The following OSBPL10 variants were observed in gnomAD, a reference collection of about 807,000 sequenced individuals.
The protein encoded by OSBPL10 is oxysterol binding protein like 10.
Under a neutral mutation model 81.7 loss-of-function variants are expected in OSBPL10, and 49 were observed. The observed-to-expected ratio is 0.60, with a 90% CI of 0.48 to 0.76. OSBPL10 has a LOEUF of 0.76. OSBPL10 is among the 30% of genes least tolerant of loss of function. The probability of loss-of-function intolerance (pLI) is 0.00; values close to 1 mark genes in which losing one functional copy is unlikely to be tolerated. For missense variants in OSBPL10, 923 were observed against 987.8 expected (o/e 0.93, Z 0.88); for synonymous variants, 419 against 383.6 (o/e 1.09, Z -1.08).
intron 1 of OSBPL10, among the ~76,000 whole-genome samples, chr3:31,942,505 A>T (rs1045272680): frequency 1.5e-5 from 2 of 135,868 alleles, no homozygotes; most frequent in East Asian, 4.6e-4. Flanking sequence ...ATTGCACTCC[A>T]GCCTGGGCGA....
intron 2 of OSBPL10, among the ~76,000 whole-genome samples, chr3:31,995,613 A>T (rs1250147354): frequency 6.6e-6 from 1 of 152,210 alleles, no homozygotes; most frequent in Non-Finnish European, 1.5e-5. Flanking sequence ...CAATCATCAC[A>T]GTGGTCCTTA....
At chr3:32,073,290 C>T (rs1368490338) in intron 1 of OSBPL10, among the ~76,000 whole-genome samples, 1 of 152,140 alleles carries the variant, frequency 6.6e-6, no homozygotes, top group African/African-American at 2.4e-5. Context: ...CTTGCCTACT[C>T]CAGATTCCCA....
chr3:31,783,111 TTATATATA>T lies in OSBPL10; in HGVS notation c.730-34999_730-34992del, dbSNP rs56846176. Among the ~76,000 whole-genome samples the T allele has an allele frequency of 4.7e-3, 573 of 121,660 alleles. 10 individuals carry two copies. The highest frequency in any genetic ancestry group is 0.011 in the African/African-American group (305 of 27,300). 79.8% of individuals were successfully genotyped at this position (121,660 alleles called of 152,430 possible). A position where few individuals can be genotyped will look rare whatever the true frequency, so the allele number is the denominator to read the frequency against. ...GGATATATCTATATCAATATATCTA[TTATATATA>T]TATATATATATATATATATATATAT... On this transcript the variant is annotated intron_variant, in intron 4 of 11. Coordinates refer to ENST00000396556, the MANE Select transcript of OSBPL10 (RefSeq NM_017784.5).
chr3:32,014,431 C>T (rs557782143), intron 2 of OSBPL10, among the ~76,000 whole-genome samples: 5 of 152,182 alleles, frequency 3.3e-5, no homozygotes, highest in South Asian at 2.1e-4. Flanking sequence ...AATTAGGTAT[C>T]GATGGGATGT....
At chr3:31,930,965 G>T (rs1697226309) in intron 1 of OSBPL10, among the ~76,000 whole-genome samples, 1 of 131,172 alleles carries the variant, frequency 7.6e-6, no homozygotes, top group African/African-American at 3.0e-5. Flanking sequence ...AGTGAGCCGA[G>T]ATCCCCCCCA....
intron 1 of OSBPL10, chr3:32,064,311 A>T (rs1169412244): frequency 1.1e-5 from 1 of 93,604 alleles, no homozygotes; most frequent in African/African-American, 2.8e-5. Context: ...AAACTATTTC[A>T]TTATCTTTAT....
chr3:31,733,901 T>C (rs1697064989), intron 5 of OSBPL10, among the ~76,000 whole-genome samples: 1 of 151,672 alleles, frequency 6.6e-6, no homozygotes, highest in Non-Finnish European at 1.5e-5. Context: ...TCCCAGCTAC[T>C]CGGGAGGCTG....
chr3:31,915,036 A>G (rs1456502295), intron 1 of OSBPL10, among the ~76,000 whole-genome samples: 2 of 152,162 alleles, frequency 1.3e-5, no homozygotes, highest in Admixed American at 6.6e-5. Flanking sequence ...CAGTGGCACA[A>G]TCAGAGCTCA....
intron 2 of OSBPL10, among the ~76,000 whole-genome samples, chr3:32,024,770 G>A (rs548111040): frequency 1.3e-4 from 20 of 152,140 alleles, no homozygotes; most frequent in East Asian, 3.9e-4. Flanking sequence ...TACCGTGCCC[G>A]GCCGGAATTA....
At chr3:32,019,492 G>A (rs1364958376) in intron 2 of OSBPL10, among the ~76,000 whole-genome samples, 4 of 152,292 alleles carry the variant, frequency 2.6e-5, no homozygotes, top group Non-Finnish European at 4.4e-5. Flanking sequence ...AGAGACGTGT[G>A]GTAGGAGGAA....
rs753227286 is a variant in OSBPL10 at position 31,664,111 on chromosome 3, T to C, written c.2218A>G (p.Thr740Ala). 3.1e-6 allele frequency: 5 copies of C among 1,613,946 alleles called. No homozygotes were observed. The highest frequency in any genetic ancestry group is 2.7e-5 in the African/African-American group (2 of 74,904). ...VEERKRENLR[T>A]PWKPKYFIQE... Reference sequence around the variant, plus strand: ...ATAAAATATTTGGGCTTCCATGGTGTGCGGAGGTTCTCGCGCTTCCGTTCC... The same window carrying C: ...ATAAAATATTTGGGCTTCCATGGTGCGCGGAGGTTCTCGCGCTTCCGTTCC... Residue 740 changes from threonine (T) to alanine (A), a missense_variant, in exon 11 of 12, where the codon ACA becomes GCA. Physicochemically the swap from Thr to Ala is moderately conservative, Grantham distance 58. Coordinates refer to ENST00000396556, the MANE Select transcript of OSBPL10 (RefSeq NM_017784.5).
chr3:31,841,053 C>G (rs913949334), intron 3 of OSBPL10, among the ~76,000 whole-genome samples: 3 of 152,202 alleles, frequency 2.0e-5, no homozygotes, highest in African/African-American at 7.2e-5. Flanking sequence ...GGATTACAGG[C>G]ATGTGCCACC....
chr3:31,928,103 T>C (rs1697130671), intron 1 of OSBPL10, among the ~76,000 whole-genome samples: 1 of 152,208 alleles, frequency 6.6e-6, no homozygotes, highest in African/African-American at 2.4e-5. Context: ...TAGTTACATT[T>C]ACAACAATTA....
rs561570081 is a variant in OSBPL10, at chr3:31,765,004, TTAAC to T, written c.730-16888_730-16885del. Among the ~76,000 whole-genome samples the T allele has an allele frequency of 5.3e-4, 81 of 152,192 alleles. No homozygotes were observed. In the South Asian group the frequency reaches 0.016, roughly 30 times the overall value. On this transcript the variant is annotated intron_variant, in intron 4 of 11. Coordinates refer to ENST00000396556, the MANE Select transcript of OSBPL10 (RefSeq NM_017784.5). ...TCCATAAAACACATCATGGTTGTAA[TTAAC>T]TAACTACTTTTTTTCTTTTTTTTTC...
intron 8 of OSBPL10, among the ~76,000 whole-genome samples, chr3:31,676,812 G>A (rs368788887): frequency 2.0e-4 from 31 of 152,358 alleles, no homozygotes; most frequent in African/African-American, 3.4e-4. Context: ...GCTCCACAGC[G>A]GTGCGAGGTT....
chr3:31,794,145 GT>G (rs961985206), intron 4 of OSBPL10, among the ~76,000 whole-genome samples: 2 of 152,168 alleles, frequency 1.3e-5, no homozygotes, highest in African/African-American at 4.8e-5. Flanking sequence ...TCCCCACATA[GT>G]TTTTCTGTTT....
rs182162764 is a variant in OSBPL10, at chr3:31,977,630, G to A, written c.281+3269C>T. Among the ~76,000 whole-genome samples, 38 of 152,190 alleles carry A rather than the reference G, an allele frequency of 2.5e-4. 1 individual carries two copies. The highest frequency in any genetic ancestry group is 1.7e-3 in the Admixed American group (26 of 15,294). On this transcript the variant is annotated intron_variant, in intron 1 of 11. Coordinates refer to ENST00000396556, the MANE Select transcript of OSBPL10 (RefSeq NM_017784.5). ...AATGTGAATAGCAGTAAAAACACTAGACTCACACTTAAAATTATTCCTGCA... is the reference window on the plus strand; with the variant it reads ...AATGTGAATAGCAGTAAAAACACTAAACTCACACTTAAAATTATTCCTGCA...
At chr3:31,715,580 T>C (rs1173584004) in intron 6 of OSBPL10, among the ~76,000 whole-genome samples, 2 of 152,206 alleles carry the variant, frequency 1.3e-5, no homozygotes, top group Non-Finnish European at 2.9e-5. Flanking sequence ...CTAAAATTCC[T>C]GATGAAACAC....
chr3:31,961,562 G>A (rs968350531), intron 1 of OSBPL10, among the ~76,000 whole-genome samples: 1 of 151,950 alleles, frequency 6.6e-6, no homozygotes, highest in African/African-American at 2.4e-5. Flanking sequence ...TGCTGGGAGG[G>A]GGCTGGGCTA....
Sources: gnomAD v4.1 joint callset for allele counts (sites outside exome capture counted in the v4.1 genomes callset) on GRCh38, gnomAD v4.1.1 for gene constraint, MANE v1.5 for transcripts, NCBI Gene and HGNC (gene_info 2026-07-23, HGNC 2026-07-21) for gene names.